The following ZBTB20 variants were observed in gnomAD, a reference collection of about 807,000 sequenced individuals.
ZBTB20 encodes zinc finger and BTB domain containing 20.
Under a neutral mutation model 56.9 loss-of-function variants are expected in ZBTB20, and 9 were observed. The ratio of observed to expected loss-of-function variants is 0.16; its 90% confidence interval spans 0.10 to 0.28. ZBTB20 has a LOEUF of 0.28. ZBTB20 is among the 10% of genes least tolerant of loss of function. The pLI is 1.00. For missense variants in ZBTB20, 655 were observed against 1,003.0 expected (o/e 0.65, Z 4.69); for synonymous variants, 417 against 420.7 (o/e 0.99, Z 0.11).
chr3:114,779,681 A>C (rs1467268180), intron 5 of ZBTB20, among the ~76,000 whole-genome samples: 1 of 152,230 alleles, frequency 6.6e-6, no homozygotes, highest in Non-Finnish European at 1.5e-5. Flanking sequence ...GGATGCCTTT[A>C]GTATGATAAA....
At chr3:114,702,388 T>C (rs2063448964) in intron 5 of ZBTB20, among the ~76,000 whole-genome samples, 1 of 152,104 alleles carries the variant, frequency 6.6e-6, no homozygotes, top group Non-Finnish European at 1.5e-5. Flanking sequence ...AATACAACAT[T>C]AACATTTCAA....
chr3:114,961,222 T>G (rs2077440137), intron 3 of ZBTB20, among the ~76,000 whole-genome samples: 1 of 150,860 alleles, frequency 6.6e-6, no homozygotes. Flanking sequence ...TTTTTAACCA[T>G]AATTCCTAGT....
chr3:114,607,717 C>A (rs909895644), intron 6 of ZBTB20, among the ~76,000 whole-genome samples: 2 of 152,138 alleles, frequency 1.3e-5, no homozygotes, highest in East Asian at 1.9e-4. Flanking sequence ...CAACCCAGAA[C>A]CAGAAAATAA....
intron 5 of ZBTB20, among the ~76,000 whole-genome samples, chr3:114,799,953 A>G (rs1007781074): frequency 6.6e-6 from 1 of 151,976 alleles, no homozygotes; most frequent in Non-Finnish European, 1.5e-5. Flanking sequence ...AAAGAGTGCA[A>G]TGAACTACAG....
chr3:114,608,176 G>A (rs893786692), intron 6 of ZBTB20, among the ~76,000 whole-genome samples: 19 of 152,200 alleles, frequency 1.2e-4, no homozygotes, highest in African/African-American at 4.6e-4. Context: ...TCTAAAAGAA[G>A]ACTATTCTTT....
intron 6 of ZBTB20, among the ~76,000 whole-genome samples, chr3:114,693,146 A>G (rs927221717): frequency 6.6e-6 from 1 of 152,136 alleles, no homozygotes; most frequent in Non-Finnish European, 1.5e-5. Flanking sequence ...ACTTCACCCT[A>G]TCACTCTTTC....
intron 7 of ZBTB20, among the ~76,000 whole-genome samples, chr3:114,443,145 A>G (rs2091038217): frequency 6.6e-6 from 1 of 152,198 alleles, no homozygotes; most frequent in African/African-American, 2.4e-5. Flanking sequence ...AAGGACATTC[A>G]ACACAGATTC....
chr3:114,912,394 C>T (rs551294923), intron 3 of ZBTB20, among the ~76,000 whole-genome samples: 17 of 151,212 alleles, frequency 1.1e-4, no homozygotes, highest in African/African-American at 2.7e-4. Context: ...AATGGTAATA[C>T]GCACATCACT....
intron 7 of ZBTB20, among the ~76,000 whole-genome samples, chr3:114,483,776 T>G (rs1221766673): frequency 6.6e-6 from 1 of 152,154 alleles, no homozygotes; most frequent in African/African-American, 2.4e-5. Flanking sequence ...AATTTTAAGT[T>G]GATTAACTTT....
chr3:114,855,296 T>C (rs575433949), intron 4 of ZBTB20, among the ~76,000 whole-genome samples: 25 of 152,320 alleles, frequency 1.6e-4, no homozygotes, highest in African/African-American at 5.5e-4. Flanking sequence ...TTGTTATTTC[T>C]ATTGTTGGGA....
rs1217882664 is a variant in ZBTB20, at chr3:114,852,483, C to T, written c.-417+47821G>A. ...TTCACCATGCTGGCCAGGCTGGTCT[C>T]AAACTCCCGACCTCAGCTGATCCAC... On this transcript the variant is annotated intron_variant, in intron 4 of 11. Transcript: ENST00000675478. Among the ~76,000 whole-genome samples, 6 of 151,912 alleles carry T rather than the reference C, an allele frequency of 3.9e-5. No homozygotes were observed. The South Asian group carries it at 1.0e-3, about 26-fold the overall frequency.
chr3:114,418,033 C>G (rs1351584955), intron 7 of ZBTB20, among the ~76,000 whole-genome samples: 3 of 152,044 alleles, frequency 2.0e-5, no homozygotes, highest in Admixed American at 2.0e-4. Context: ...AACCCATTTC[C>G]TATCCTTCAT....
intron 4 of ZBTB20, among the ~76,000 whole-genome samples, chr3:114,862,837 G>A (rs984355590): frequency 6.6e-6 from 1 of 152,126 alleles, no homozygotes; most frequent in African/African-American, 2.4e-5. Flanking sequence ...GAGAAGGGAA[G>A]AGATTTTATT....
At chr3:114,768,591 T>A (rs1417848552) in intron 5 of ZBTB20, among the ~76,000 whole-genome samples, 1 of 152,186 alleles carries the variant, frequency 6.6e-6, no homozygotes, top group Admixed American at 6.5e-5. Context: ...AATGGCTATA[T>A]GTAAGAGGAA....
Position 114,628,144 on chromosome 3 carries a change from T to C in ZBTB20, c.-295+65384A>G, listed in dbSNP as rs1241974781. On this transcript the variant is annotated intron_variant, in intron 6 of 11. Coordinates refer to ENST00000675478, the MANE Select transcript of ZBTB20 (RefSeq NM_001348800.3). ...TTTTTCTCCCTTTGGCATCAACTGC[T>C]CAACAACTCCGCTCATAGTAATCTC... Among the ~76,000 whole-genome samples, 2 of 152,154 alleles carry C rather than the reference T, an allele frequency of 1.3e-5. 1 individual carries two copies. The highest frequency in any genetic ancestry group is 2.9e-5 in the Non-Finnish European group (2 of 68,024).
chr3:114,812,502 G>A lies in ZBTB20; in HGVS notation c.-416-11328C>T, dbSNP rs182681494. 1.6e-4 allele frequency among the ~76,000 whole-genome samples: 25 copies of A among 152,266 alleles called. No homozygotes were observed. The East Asian group carries it at 4.6e-3, about 28-fold the overall frequency. On this transcript the variant is annotated intron_variant, in intron 4 of 11. Transcript: ENST00000675478. ...CGATTGGTGTATTTACAATCCCTGA[G>A]CTAGACATAGTTTCTCCAAGTCCCC... is the stretch of plus-strand genomic sequence containing the variant.
At chr3:114,757,772 T>C (rs1320831969) in intron 5 of ZBTB20, among the ~76,000 whole-genome samples, 2 of 152,150 alleles carry the variant, frequency 1.3e-5, no homozygotes, top group African/African-American at 4.8e-5. Context: ...AATACAATAT[T>C]ACTTGGCTCA....
intron 6 of ZBTB20, among the ~76,000 whole-genome samples, chr3:114,593,762 C>T (rs2056040128): frequency 6.6e-6 from 1 of 152,170 alleles, no homozygotes; most frequent in Non-Finnish European, 1.5e-5. Context: ...CCTCTAGTGT[C>T]TTTTGGAGCA....
chr3:114,470,093 G>A (rs1450294986), intron 7 of ZBTB20, among the ~76,000 whole-genome samples: 2 of 152,066 alleles, frequency 1.3e-5, no homozygotes, highest in Non-Finnish European at 2.9e-5. Context: ...TATAGAAAAA[G>A]GGAGTCTCTT....
Sources: allele counts gnomAD v4.1 joint callset (sites outside exome capture counted in the v4.1 genomes callset), GRCh38; gene constraint gnomAD v4.1.1; transcripts MANE v1.5; gene names NCBI Gene and HGNC (gene_info 2026-07-23, HGNC 2026-07-21).